Variants in CHD5 observed in about 807,000 individuals in gnomAD.
The protein encoded by CHD5 is chromodomain helicase DNA binding protein 5, also known as ATP-dependent chromatin remodeler CHD5.
A neutral mutation model predicts 230.3 loss-of-function variants in CHD5; 69 were observed. That is an observed-to-expected ratio of 0.30 (90% CI 0.25 to 0.37). The LOEUF (loss-of-function observed/expected upper bound fraction) is 0.37, where lower values mean the gene tolerates loss of function less well. CHD5 is among the 10% of genes least tolerant of loss of function. The pLI, the probability that CHD5 is intolerant of heterozygous loss-of-function variation, is 1.00. For missense variants in CHD5, 1,827 were observed against 2,622.8 expected, an observed-to-expected ratio of 0.70 and a Z score of 6.63; for synonymous variants, 1,064 against 1,065.9, an observed-to-expected ratio of 1.00 and a Z score of 0.03.
At chr1:6,137,561 G>A (rs998005317) in intron 15 of CHD5, among the ~76,000 whole-genome samples, 13 of 151,814 alleles carry the variant, frequency 8.6e-5, no homozygotes, top group African/African-American at 2.4e-4. Context: ...TCAAACTCCC[G>A]GCCTCAAGCA....
chr1:6,144,461 C>T (rs1378170544), intron 11 of CHD5, among the ~76,000 whole-genome samples: 1 of 152,230 alleles, frequency 6.6e-6, no homozygotes, highest in Non-Finnish European at 1.5e-5. Flanking sequence ...TCCCATTTGT[C>T]ACAGGGTCTG....
At chr1:6,115,793 AC>A (rs1306862304) in intron 33 of CHD5, among the ~76,000 whole-genome samples, 1 of 152,142 alleles carries the variant, frequency 6.6e-6, no homozygotes, top group Admixed American at 6.5e-5. Context: ...TGAGCAGAAC[AC>A]CCAGCTACAC....
At chr1:6,107,457 AATGGAGGG>A (rs1666202043) in intron 38 of CHD5, among the ~76,000 whole-genome samples, 2 of 53,488 alleles carry the variant, frequency 3.7e-5, no homozygotes, top group South Asian at 6.8e-4. Context: ...AGGGAGGGAT[AATGGAGGG>A]ATGGAGGGAT....
At chr1:6,127,120 G>A (rs1223313525) in intron 25 of CHD5, 5 of 249,472 alleles carry the variant, frequency 2.0e-5, no homozygotes, top group South Asian at 1.1e-4. Flanking sequence ...AGGAGGAAAC[G>A]GAAAGGCCTC....
chr1:6,155,337 A>AC lies in CHD5; in HGVS notation c.506+261dup, dbSNP rs971790842. Among the ~76,000 whole-genome samples, 2 of 151,410 alleles carry AC rather than the reference A, an allele frequency of 1.3e-5. No homozygotes were observed. The highest frequency in any genetic ancestry group is 2.9e-5 in the Non-Finnish European group (2 of 67,872). On this transcript the variant is annotated intron_variant, in intron 4 of 41. Transcript: ENST00000262450. The surrounding 1 kb of genome is among the most constrained non-coding windows in gnomAD (Gnocchi z 4.0). Reference sequence around the variant, plus strand: ...AGCTGAGAGGCCATGGTGGTGAAAGACCCCCCAGGAAAGACTGGAACCACC... The same window carrying AC: ...AGCTGAGAGGCCATGGTGGTGAAAGACCCCCCCAGGAAAGACTGGAACCACC...
At chr1:6,166,533 C>T (rs1231165742) in intron 2 of CHD5, among the ~76,000 whole-genome samples, 1 of 152,060 alleles carries the variant, frequency 6.6e-6, no homozygotes, top group African/African-American at 2.4e-5. Context: ...GCTAACACCT[C>T]CCAGCCCCAT....
At chr1:6,124,471 C>T (rs1666520697) in intron 30 of CHD5, 46 bp downstream of exon 30, 1 of 1,608,766 alleles carries the variant, frequency 6.2e-7, no homozygotes, top group Non-Finnish European at 8.5e-7. Flanking sequence ...GCACCAGGAG[C>T]CCAGGCAGCC....
At chr1:6,113,346 C>A in intron 33 of CHD5, 1 of 445,356 alleles carries the variant, frequency 2.2e-6, no homozygotes, top group Non-Finnish European at 4.5e-6. Context: ...GTCGCTTGAG[C>A]CGAGGAGATA....
intron 36 of CHD5, 69 bp from the exon 37 acceptor site, chr1:6,110,595 A>AG: frequency 8.8e-6 from 5 of 569,688 alleles, no homozygotes; most frequent in Admixed American, 8.6e-5. Flanking sequence ...GAGGCAGCTC[A>AG]GGGAGGGGGA....
chr1:6,110,406 G>C lies in CHD5; in HGVS notation c.5370C>G (p.Ala1790=). The C allele has an allele frequency of 6.2e-7, 1 of 1,614,012 alleles. No individual in the cohort carries two copies. The highest frequency in any genetic ancestry group is 8.5e-7 in the Non-Finnish European group (1 of 1,180,034). The stretch of plus-strand genomic sequence containing the variant: ...TCAGAAGACAGACCTTAAACCTGCG[G>C]GCCAGGAACTTGTTCTTCATCTCCA... The part of the protein sequence containing the change: ...NYLEMKNKFL[A]RRFKLLEQAL... The change falls in exon 37 of 42, where the codon GCC becomes GCG. Residue 1790 remains alanine (A), a synonymous_variant. Transcript: ENST00000262450.
In CHD5 at chr1:6,154,739, G is replaced by A. The variant is rs1667054617; in HGVS notation, c.666C>T (p.Ile222=). The part of the protein sequence containing the change: ...AVAAAVETVT[I]SPPLAVSPPQ... ...GGGGGCTGACGGCTAGCGGAGGGGAGATGGTGACCGTCTCTACAGCCGCAG... is the reference window on the plus strand; with the variant it reads ...GGGGGCTGACGGCTAGCGGAGGGGAAATGGTGACCGTCTCTACAGCCGCAG... Residue 222 remains isoleucine (I), a synonymous_variant, in exon 5 of 42, where the codon ATC becomes ATT. Transcript: ENST00000262450. The surrounding 1 kb of genome is among the most constrained non-coding windows in gnomAD (Gnocchi z 7.0). 1 of 1,611,068 alleles carries A rather than the reference G, an allele frequency of 6.2e-7. No homozygotes were observed.
At position 6,167,852 on chromosome 1, in the gene CHD5, G is replaced by A. The variant is rs115616280; in HGVS notation, c.207+298C>T. Among the ~76,000 whole-genome samples the A allele has an allele frequency of 6.6e-6, 1 of 152,250 alleles. No individual in the cohort carries two copies. Among genetic ancestry groups the A allele is most frequent in the African/African-American group, 2.4e-5 (1 of 41,518 alleles). ...GCAGGGAGTGGGGCAGGGAGGTAGGGAGGCACCGTGGCGACGGAATCCAGC... is the reference window on the plus strand; with the variant it reads ...GCAGGGAGTGGGGCAGGGAGGTAGGAAGGCACCGTGGCGACGGAATCCAGC... On this transcript the variant is annotated intron_variant, in intron 2 of 41. Coordinates refer to ENST00000262450, the MANE Select transcript of CHD5 (RefSeq NM_015557.3). The surrounding 1 kb of genome is among the most constrained non-coding windows in gnomAD (Gnocchi z 4.5).
rs529019350 is a variant in CHD5, at chr1:6,112,302, TCATC to T, written c.5003-29_5003-26del. On this transcript the variant is annotated intron_variant, in intron 34 of 41. Transcript: ENST00000262450. ...TCTGCCGGGGACAGATCACATTCAT[TCATC>T]CATCCATCCAAAAAGCAGTGCCCAG... The T allele has an allele frequency of 9.8e-5, 158 of 1,608,038 alleles. No homozygotes were observed. The African/African-American group carries it at 1.9e-3, about 19-fold the overall frequency.
In CHD5 at chr1:6,180,015, G is replaced by C; in HGVS notation, c.9C>G (p.Gly3=). 7.4e-7 allele frequency: 1 copy of C among 1,355,792 alleles called. No individual in the cohort carries two copies. Among genetic ancestry groups the C allele is most frequent in the South Asian group, 1.4e-5 (1 of 70,286 alleles). The allele number at this position is 1,355,792 out of a possible 1,614,324, so 84.0% of individuals were successfully genotyped here. Residue 3 remains glycine, a synonymous_variant, in exon 1 of 42, where the codon GGC becomes GGG. Coordinates refer to ENST00000262450, the MANE Select transcript of CHD5 (RefSeq NM_015557.3). ...GCAGCTCCTCCTCGGTGCCCACTGG[G>C]CCCCGCATGCCCGGCGCGGGGAGGA... MR[G]PVGTEEELPR...
chr1:6,177,981 G>T (rs1440870146), intron 1 of CHD5, among the ~76,000 whole-genome samples: 3 of 152,156 alleles, frequency 2.0e-5, no homozygotes, highest in Non-Finnish European at 4.4e-5. Context: ...CAGAAGGAGT[G>T]GGTAGAAGGC....
Position 6,101,897 on chromosome 1 carries a change from G to A in CHD5, c.*3577C>T, listed in dbSNP as rs919721282. The A allele has an allele frequency of 9.8e-5, 31 of 317,324 alleles. No individual in the cohort carries two copies. Among genetic ancestry groups the A allele is most frequent in the Non-Finnish European group, 1.4e-4 (23 of 159,508 alleles). 19.7% of individuals were successfully genotyped at this position (317,324 alleles called of 1,614,324 possible). A position where few individuals can be genotyped will look rare whatever the true frequency, so the allele number is the denominator to read the frequency against. Reference sequence around the variant, plus strand: ...ACAGCCTCTGTCCAGCCTCCCGTGGGCGAAGACCAGACAAGCCACGGCTCA... The same window carrying A: ...ACAGCCTCTGTCCAGCCTCCCGTGGACGAAGACCAGACAAGCCACGGCTCA... On this transcript the variant is annotated 3_prime_UTR_variant, in exon 42 of 42. Transcript: ENST00000262450.
intron 1 of CHD5, among the ~76,000 whole-genome samples, chr1:6,172,503 T>G (rs1389972939): frequency 6.6e-6 from 1 of 152,158 alleles, no homozygotes. Flanking sequence ...GGTTCTATTC[T>G]TATCCCCATC....
At chr1:6,148,770 G>A (rs1325816285) in intron 9 of CHD5, 84 bp downstream of exon 9, 1 of 1,183,876 alleles carries the variant, frequency 8.4e-7, no homozygotes. Flanking sequence ...GGGGCCTTTT[G>A]AGGAGGGCAG....
intron 40 of CHD5, 37 bp from the exon 41 acceptor site, chr1:6,106,324 T>G (rs370640647): frequency 6.2e-7 from 1 of 1,612,698 alleles, no homozygotes; most frequent in South Asian, 1.1e-5. Context: ...TTGCCTGACG[T>G]TGGCAGCAGC....
Sources: allele counts gnomAD v4.1 joint callset (sites outside exome capture counted in the v4.1 genomes callset), GRCh38; gene constraint gnomAD v4.1.1; non-coding constraint Gnocchi (gnomAD v3.1); transcripts MANE v1.5; gene names NCBI Gene and HGNC (gene_info 2026-07-23, HGNC 2026-07-21).